The following CLEC16A variants were observed in gnomAD, a reference collection of about 807,000 sequenced individuals.
The protein encoded by CLEC16A is C-type lectin domain containing 16A, also known as protein CLEC16A.
In CLEC16A, 51 loss-of-function variants were observed where a neutral mutation model predicts 109.5. That is an observed-to-expected ratio of 0.47 (90% CI 0.37 to 0.59). The LOEUF (loss-of-function observed/expected upper bound fraction) is 0.59. CLEC16A is among the 20% of genes least tolerant of loss of function. CLEC16A has a pLI of 0.00. For missense variants in CLEC16A, 1,339 were observed against 1,394.0 expected (o/e 0.96, Z 0.63); for synonymous variants, 673 against 564.2 (o/e 1.19, Z -2.73).
intron 12 of CLEC16A, among the ~76,000 whole-genome samples, chr16:11,023,028 AG>A (rs2046208766): frequency 6.7e-6 from 1 of 150,348 alleles, no homozygotes; most frequent in Non-Finnish European, 1.5e-5. Context: ...AAAAGCATAA[AG>A]GGGGAAAAAG....
chr16:11,012,022 C>G (rs968885006), intron 11 of CLEC16A, among the ~76,000 whole-genome samples: 31 of 152,158 alleles, frequency 2.0e-4, no homozygotes, highest in Non-Finnish European at 3.7e-4. Flanking sequence ...TTTTCCCTCC[C>G]CCATGCCCAC....
Position 11,178,651 on chromosome 16 carries a change from G to C in CLEC16A, c.3123G>C (p.Glu1041Asp). Residue 1041 changes from glutamate (E) to aspartate (D), a missense_variant, in exon 24 of 24, where the codon GAG becomes GAC. Glu to Asp is a conservative substitution (Grantham distance 45). This residue lies in a region of CLEC16A where 1,061 missense variants were observed against 1,006.8 expected (regional missense o/e 1.05). Coordinates refer to ENST00000409790, the MANE Select transcript of CLEC16A (RefSeq NM_015226.3). This position sits in a 1 kb window ranked among gnomAD's most constrained non-coding sequence, Gnocchi z 6.5. The part of the protein sequence containing the change: ...AAACTEPVGE[E>D]AACAEPVGTA... ...CCTGCACAGAGCCCGTGGGCGAAGA[G>C]GCTGCATGTGCTGAGCCTGTGGGCA... is the stretch of plus-strand genomic sequence containing the variant. The C allele has an allele frequency of 1.3e-6, 2 of 1,563,146 alleles. No individual in the cohort carries two copies. Among genetic ancestry groups the C allele is most frequent in the Non-Finnish European group, 1.7e-6 (2 of 1,159,950 alleles).
chr16:11,053,342 CTAT>C (rs1266534157), intron 18 of CLEC16A, among the ~76,000 whole-genome samples: 2 of 151,988 alleles, frequency 1.3e-5, no homozygotes, highest in Non-Finnish European at 2.9e-5. Flanking sequence ...GAGATTGGCA[CTAT>C]TATTATCCCC....
intron 18 of CLEC16A, chr16:11,056,705 T>A (rs1254191916): frequency 1.3e-5 from 2 of 152,230 alleles, no homozygotes; most frequent in Admixed American, 6.5e-5. Context: ...ATGTGTATTA[T>A]ACATTAAAGA....
chr16:11,085,881 T>C (rs1447352719), intron 19 of CLEC16A, among the ~76,000 whole-genome samples: 1 of 152,204 alleles, frequency 6.6e-6, no homozygotes, highest in African/African-American at 2.4e-5. Context: ...CGTGAGCCAC[T>C]GTGCCTGGCC....
chr16:11,018,241 C>T (rs770817981), intron 11 of CLEC16A, among the ~76,000 whole-genome samples: 4 of 150,612 alleles, frequency 2.7e-5, no homozygotes, highest in African/African-American at 4.9e-5. Flanking sequence ...CATGATCACA[C>T]CACTGCACTC....
At chr16:11,124,048 A>C in intron 21 of CLEC16A, 102 bp downstream of exon 21, 1 of 1,026,624 alleles carries the variant, frequency 9.7e-7, no homozygotes, top group East Asian at 2.6e-5. Flanking sequence ...GCATAGAAGA[A>C]GACACGTATG....
intron 22 of CLEC16A, among the ~76,000 whole-genome samples, chr16:11,142,007 C>G (rs1438721053): frequency 1.3e-5 from 2 of 152,162 alleles, no homozygotes; most frequent in Non-Finnish European, 2.9e-5. Context: ...GACTCGGGCA[C>G]TGGGGATGTC....
At chr16:11,079,979 C>T (rs1024701769) in intron 19 of CLEC16A, among the ~76,000 whole-genome samples, 1 of 152,224 alleles carries the variant, frequency 6.6e-6, no homozygotes, top group Admixed American at 6.5e-5. Flanking sequence ...CCTGAGGTCT[C>T]CCAGGGCCCC....
At chr16:11,048,634 C>G (rs997123742) in intron 17 of CLEC16A, 2 of 152,154 alleles carry the variant, frequency 1.3e-5, no homozygotes, top group African/African-American at 4.8e-5. Context: ...TGCCGTGGAG[C>G]CTTTTCAGGG....
chr16:11,040,563 A>G (rs1210888151), intron 14 of CLEC16A: 14 of 120,336 alleles, frequency 1.2e-4, no homozygotes, highest in Admixed American at 4.4e-4. Context: ...CCTGGGCTGG[A>G]GTGTAATGGA....
rs1211563324 is a variant in CLEC16A, at chr16:11,034,249, G to A, written c.1538-5505G>A. On this transcript the variant is annotated intron_variant, in intron 13 of 23. Coordinates refer to ENST00000409790, the MANE Select transcript of CLEC16A (RefSeq NM_015226.3). ...TCGGCCCAACATCTGGTTAGCTTTC[G>A]AAATCTTTGGTCTATAGTCTTCCAA... Among the ~76,000 whole-genome samples the A allele has an allele frequency of 3.3e-5, 5 of 152,200 alleles. No individual in the cohort carries two copies. The South Asian group carries it at 1.0e-3, about 32-fold the overall frequency.
chr16:10,945,901 C>G (rs148616225), intron 1 of CLEC16A, among the ~76,000 whole-genome samples: 1 of 152,142 alleles, frequency 6.6e-6, no homozygotes, highest in Non-Finnish European at 1.5e-5. Context: ...TGGCACTTCA[C>G]GAGGGCACAG....
intron 2 of CLEC16A, among the ~76,000 whole-genome samples, chr16:10,959,187 C>T (rs1240090567): frequency 4.6e-5 from 7 of 152,162 alleles, no homozygotes; most frequent in African/African-American, 1.4e-4. Context: ...CAGAATTAGG[C>T]AGCACTGAGC....
intron 3 of CLEC16A, among the ~76,000 whole-genome samples, chr16:10,967,198 C>T (rs2042553793): frequency 1.3e-5 from 2 of 152,224 alleles, no homozygotes. Context: ...GACCACGCCA[C>T]AGGCCCACAC....
At chr16:10,948,939 C>G (rs1307203008) in intron 1 of CLEC16A, among the ~76,000 whole-genome samples, 1 of 152,152 alleles carries the variant, frequency 6.6e-6, no homozygotes, top group Non-Finnish European at 1.5e-5. Flanking sequence ...GATTGAGTAT[C>G]CCTGGACCAG....
intron 19 of CLEC16A, among the ~76,000 whole-genome samples, chr16:11,087,110 TG>T (rs1458193270): frequency 6.6e-6 from 1 of 152,264 alleles, no homozygotes; most frequent in Non-Finnish European, 1.5e-5. Flanking sequence ...AAACTAAATA[TG>T]TATTTTCTCA....
At chr16:11,004,623 G>T (rs2044879414) in intron 11 of CLEC16A, among the ~76,000 whole-genome samples, 1 of 152,164 alleles carries the variant, frequency 6.6e-6, no homozygotes, top group Non-Finnish European at 1.5e-5. Flanking sequence ...GAGCTCATTT[G>T]CTTTTGGGAG....
At chr16:11,053,140 C>T (rs2048037659) in intron 18 of CLEC16A, among the ~76,000 whole-genome samples, 1 of 152,296 alleles carries the variant, frequency 6.6e-6, no homozygotes, top group South Asian at 2.1e-4. Flanking sequence ...ATCCTCCTGC[C>T]TTGGCCTCCC....
Sources: gnomAD v4.1 joint callset for allele counts (sites outside exome capture counted in the v4.1 genomes callset) on GRCh38, gnomAD v4.1.1 for gene constraint, gnomAD v4.1.1 regional missense constraint, Gnocchi (gnomAD v3.1) non-coding constraint, MANE v1.5 for transcripts, NCBI Gene and HGNC (gene_info 2026-07-23, HGNC 2026-07-21) for gene names.